The following ZNF454 variants were observed in gnomAD, a reference collection of about 807,000 sequenced individuals.
ZNF454 encodes the protein zinc finger protein 454.
ZNF454 carries 30 observed loss-of-function variants against 48.2 expected under a neutral mutation model. The observed-to-expected ratio is 0.62, with a 90% CI of 0.47 to 0.84. The LOEUF (loss-of-function observed/expected upper bound fraction) is 0.84. ZNF454 is among the 40% of genes least tolerant of loss of function. The pLI is 0.00. For synonymous variants in ZNF454, 204 were observed against 211.4 expected, an observed-to-expected ratio of 0.97 and a Z score of 0.30; for missense variants, 510 against 623.1, an observed-to-expected ratio of 0.82 and a Z score of 1.93.
Position 178,965,392 on chromosome 5 carries a change from T to C in ZNF454, c.988T>C (p.Cys330Arg), listed in dbSNP as rs1290962641. 1 of 1,614,032 alleles carries C rather than the reference T, an allele frequency of 6.2e-7. No individual in the cohort carries two copies. The highest frequency in any genetic ancestry group is 8.5e-7 in the Non-Finnish European group (1 of 1,180,038). ...NIHSGEKPYK[C>R]NECGKAFNQS... ...CCACAGTGGAGAGAAACCCTATAAA[T>C]GCAATGAATGTGGAAAAGCCTTTAA... is the stretch of plus-strand genomic sequence containing the variant. The change falls in exon 5 of 5, where the codon TGC (cysteine) becomes CGC (arginine). Residue 330 changes from cysteine to arginine, a missense_variant. Cys to Arg is a radical substitution (Grantham distance 180). Around this residue, in one of 3 missense-constraint regions of ZNF454, gnomAD observed 354 missense variants for 408.9 expected, o/e 0.87. Coordinates refer to ENST00000519564, the MANE Select transcript of ZNF454 (RefSeq NM_001178089.3). The surrounding 1 kb of genome is among the most constrained non-coding windows in gnomAD (Gnocchi z 5.2).
chr5:178,960,762 G>A (rs1316048902), intron 4 of ZNF454, among the ~76,000 whole-genome samples: 2 of 151,634 alleles, frequency 1.3e-5, no homozygotes, highest in African/African-American at 4.8e-5. Context: ...ATACCTTAAA[G>A]TCTGTTTTCT....
At chr5:178,945,683 G>GTT (rs1426011103) in intron 2 of ZNF454, among the ~76,000 whole-genome samples, 1 of 148,402 alleles carries the variant, frequency 6.7e-6, no homozygotes, top group Non-Finnish European at 1.5e-5. Flanking sequence ...GTGTGTGTGT[G>GTT]TCTCTGTGTG....
chr5:178,949,568 T>A (rs921887174), intron 4 of ZNF454, among the ~76,000 whole-genome samples: 1 of 152,162 alleles, frequency 6.6e-6, no homozygotes, highest in African/African-American at 2.4e-5. Flanking sequence ...ATTTGTTGGA[T>A]TCATTTTTAG....
chr5:178,985,045 C>T, the ZNF454 span, among the ~76,000 whole-genome samples: 1 of 152,136 alleles, frequency 6.6e-6, no homozygotes, highest in Non-Finnish European at 1.5e-5. Flanking sequence ...AAAGGAGCTC[C>T]ATTATTTAAC....
chr5:178,985,519 C>T, the ZNF454 span: 340 of 337,428 alleles, frequency 1.0e-3, 1 homozygote, highest in Middle Eastern at 2.2e-3. Flanking sequence ...CTGGCTAACA[C>T]GGTGAAGCCC....
chr5:178,965,004 T>A lies in ZNF454; in HGVS notation c.600T>A (p.His200Gln). 6.2e-7 allele frequency: 1 copy of A among 1,613,950 alleles called. No homozygotes were observed. The highest frequency in any genetic ancestry group is 8.5e-7 in the Non-Finnish European group (1 of 1,179,972). ...CTCTTAATAAACATCAGAAAATTCA[T>A]AATGAAAAAAATGCAAATCAGAAAA... The part of the protein sequence containing the change: ...SSTLNKHQKI[H>Q]NEKNANQKIH... The change falls in exon 5 of 5, where the codon CAT (histidine) becomes CAA (glutamine). Residue 200 changes from histidine to glutamine, a missense_variant. By Grantham distance (24) the His-to-Gln change is conservative. This residue lies in a region of ZNF454 where 354 missense variants were observed against 408.9 expected (regional missense o/e 0.87). Transcript: ENST00000519564. The surrounding 1 kb of genome is among the most constrained non-coding windows in gnomAD (Gnocchi z 5.2).
At chr5:178,975,303 T>C in the ZNF454 span, among the ~76,000 whole-genome samples, 1 of 152,140 alleles carries the variant, frequency 6.6e-6, no homozygotes, top group Non-Finnish European at 1.5e-5. Context: ...AAGATGTTTC[T>C]AAGTATGCCA....
chr5:178,985,607 G>A, the ZNF454 span: 11 of 354,502 alleles, frequency 3.1e-5, no homozygotes, highest in Non-Finnish European at 5.5e-5. Context: ...GGAGGCTGAG[G>A]CAGGAGAATG....
the ZNF454 span, chr5:178,986,225 G>A: frequency 1.3e-4 from 202 of 1,614,150 alleles, 1 homozygote; most frequent in South Asian, 7.4e-4. Context: ...TCAAAGATGC[G>A]GTAGATACGG....
the ZNF454 span, among the ~76,000 whole-genome samples, chr5:178,974,238 C>T: frequency 1.3e-5 from 2 of 151,992 alleles, no homozygotes; most frequent in Non-Finnish European, 1.5e-5. Flanking sequence ...GTTGGTCCTT[C>T]TTGTCTTTTA....
chr5:178,962,922 C>G (rs574258831), intron 4 of ZNF454, among the ~76,000 whole-genome samples: 4 of 151,764 alleles, frequency 2.6e-5, no homozygotes, highest in Non-Finnish European at 5.9e-5. Context: ...GTCAACTGCT[C>G]ATTTGCCCGT....
Position 178,942,747 on chromosome 5 carries a change from A to G in ZNF454, c.-45A>G, listed in dbSNP as rs760022902. The stretch of plus-strand genomic sequence containing the variant: ...GGTGTGAAGCTCCACACCTGCCTCC[A>G]TAGCACTTTGCCTGTCCCTAAGAGG... On this transcript the variant is annotated 5_prime_UTR_variant, in exon 2 of 5. Coordinates refer to ENST00000519564, the MANE Select transcript of ZNF454 (RefSeq NM_001178089.3). The G allele has an allele frequency of 1.2e-6, 2 of 1,613,454 alleles. No individual in the cohort carries two copies. The highest frequency in any genetic ancestry group is 1.1e-5 in the South Asian group (1 of 91,032).
At chr5:178,988,952 C>T in the ZNF454 span, 7 of 1,613,120 alleles carry the variant, frequency 4.3e-6, no homozygotes, top group Admixed American at 1.7e-5. This position sits in a 1 kb window ranked among gnomAD's most constrained non-coding sequence, Gnocchi z 6.0. Context: ...GCGGACAGCT[C>T]GAATGTACTG....
intron 1 of ZNF454, chr5:178,942,445 A>G: frequency 3.9e-6 from 1 of 253,664 alleles, no homozygotes; most frequent in Non-Finnish European, 7.5e-6. Context: ...GAGATCGCTC[A>G]GTGAGGCTGA....
chr5:178,969,556 G>A (rs1340125305), downstream of ZNF454: 3 of 456,826 alleles, frequency 6.6e-6, no homozygotes, highest in African/African-American at 2.0e-5. Flanking sequence ...CTGGTGATGT[G>A]CCACCTTCAG....
At chr5:178,985,465 A>G in the ZNF454 span, among the ~76,000 whole-genome samples, 1 of 151,444 alleles carries the variant, frequency 6.6e-6, no homozygotes, top group African/African-American at 2.4e-5. Context: ...GCACTTTGGG[A>G]GGCCGAGGTG....
the ZNF454 span, chr5:178,981,318 C>T: frequency 3.0e-4 from 85 of 287,742 alleles, no homozygotes; most frequent in Non-Finnish European, 1.5e-4. The surrounding 1 kb of genome is among the most constrained non-coding windows in gnomAD (Gnocchi z 5.1). Flanking sequence ...GGAAATCTCC[C>T]GCAAACCAGG....
the ZNF454 span, chr5:178,985,568 T>C: frequency 1.5e-5 from 5 of 338,920 alleles, 1 homozygote; most frequent in Middle Eastern, 1.0e-3. Flanking sequence ...CCGGGCGTGG[T>C]GGCGGGCGCC....
At position 178,946,588 on chromosome 5, in the gene ZNF454, T is replaced by C; in HGVS notation, c.160+103T>C. The C allele has an allele frequency of 2.1e-6, 3 of 1,437,932 alleles. No individual in the cohort carries two copies. The highest frequency in any genetic ancestry group is 2.8e-6 in the Non-Finnish European group (3 of 1,071,722). 89.1% of individuals were successfully genotyped at this position (1,437,932 alleles called of 1,614,324 possible). Reference sequence around the variant, plus strand: ...AGTCGGTTGGACCAACTGAGGACGCTGTCTTCAAGGGTGCCATTAATTTTA... The same window carrying C: ...AGTCGGTTGGACCAACTGAGGACGCCGTCTTCAAGGGTGCCATTAATTTTA... On this transcript the variant is annotated intron_variant, in intron 3 of 4. Transcript: ENST00000519564. The surrounding 1 kb of genome is among the most constrained non-coding windows in gnomAD (Gnocchi z 4.5).
Sources: gnomAD v4.1 joint callset for allele counts (sites outside exome capture counted in the v4.1 genomes callset) on GRCh38, gnomAD v4.1.1 for gene constraint, gnomAD v4.1.1 regional missense constraint, Gnocchi (gnomAD v3.1) non-coding constraint, MANE v1.5 for transcripts, NCBI Gene and HGNC (gene_info 2026-07-23, HGNC 2026-07-21) for gene names.